Variants in ANKRD30B observed in about 807,000 individuals in gnomAD.
ANKRD30B encodes ankyrin repeat domain 30B.
In ANKRD30B, 144 loss-of-function variants were observed where a neutral mutation model predicts 202.2. The ratio of observed to expected loss-of-function variants is 0.71; its 90% CI spans 0.62 to 0.82. The LOEUF (loss-of-function observed/expected upper bound fraction) is 0.82. ANKRD30B is among the 40% of genes least tolerant of loss of function. The probability of loss-of-function intolerance (pLI) is 0.00; values close to 1 mark genes in which losing one functional copy is unlikely to be tolerated. For synonymous variants in ANKRD30B, 508 were observed against 561.3 expected (o/e 0.91, Z 1.34); for missense variants, 1,487 against 1,669.1 (o/e 0.89, Z 1.90).
At chr18:14,916,074 G>C in the ANKRD30B span, among the ~76,000 whole-genome samples, 1 of 152,188 alleles carries the variant, frequency 6.6e-6, no homozygotes, top group South Asian at 2.1e-4. Flanking sequence ...AATGCCTATG[G>C]ATACAGAAGA....
chr18:14,939,890 G>A, the ANKRD30B span, among the ~76,000 whole-genome samples: 1 of 152,230 alleles, frequency 6.6e-6, no homozygotes, highest in Non-Finnish European at 1.5e-5. Flanking sequence ...GGAATGCTGG[G>A]ACTGTGCAGT....
the ANKRD30B span, chr18:14,889,912 T>G: frequency 1.5e-5 from 8 of 543,498 alleles, no homozygotes; most frequent in Non-Finnish European, 2.6e-5. Context: ...AAGTCCATTT[T>G]TCCTTTTCAG....
the ANKRD30B span, among the ~76,000 whole-genome samples, chr18:14,934,913 C>CAA: frequency 7.7e-6 from 1 of 129,960 alleles, no homozygotes; most frequent in Non-Finnish European, 1.6e-5. Flanking sequence ...CTCTACCACA[C>CAA]ACACACACAC....
chr18:14,816,861 G>C (rs963003014), intron 30 of ANKRD30B: 1 of 152,084 alleles, frequency 6.6e-6, no homozygotes, highest in African/African-American at 2.4e-5. Flanking sequence ...CTCTCGCAAG[G>C]ACAAAAAACC....
At chr18:14,835,820 A>G (rs1405865308) in intron 34 of ANKRD30B, among the ~76,000 whole-genome samples, 2 of 151,936 alleles carry the variant, frequency 1.3e-5, no homozygotes, top group Non-Finnish European at 2.9e-5. Flanking sequence ...AATGCCTTAT[A>G]ATTCTATGGG....
At chr18:14,796,298 A>C (rs1477539771) in intron 17 of ANKRD30B, 45 bp from the exon 18 acceptor site, 1 of 1,609,840 alleles carries the variant, frequency 6.2e-7, no homozygotes, top group Non-Finnish European at 8.5e-7. Flanking sequence ...ATATTTTAGG[A>C]AGCATATATT....
intron 37 of ANKRD30B, among the ~76,000 whole-genome samples, chr18:14,842,170 A>C (rs1329656305): frequency 6.6e-6 from 1 of 152,160 alleles, no homozygotes; most frequent in Non-Finnish European, 1.5e-5. Flanking sequence ...TGTTGCCATA[A>C]ATTTTCAAAT....
At chr18:14,918,223 A>G in the ANKRD30B span, among the ~76,000 whole-genome samples, 114 of 152,154 alleles carry the variant, frequency 7.5e-4, no homozygotes, top group Middle Eastern at 3.4e-3. Flanking sequence ...TTTTCCTCCT[A>G]CTAGCCCTTA....
chr18:14,839,838 C>G (rs896594127), intron 36 of ANKRD30B, among the ~76,000 whole-genome samples: 11 of 152,158 alleles, frequency 7.2e-5, no homozygotes, highest in Non-Finnish European at 1.5e-4. Context: ...ACGACATACT[C>G]TGAAAATTCT....
At chr18:14,889,338 C>T in the ANKRD30B span, among the ~76,000 whole-genome samples, 1 of 152,064 alleles carries the variant, frequency 6.6e-6, no homozygotes, top group Non-Finnish European at 1.5e-5. Context: ...ACATTGTCTT[C>T]AATGGTAATG....
the ANKRD30B span, among the ~76,000 whole-genome samples, chr18:14,938,486 C>T: frequency 1.3e-5 from 2 of 152,160 alleles, no homozygotes; most frequent in African/African-American, 4.8e-5. Context: ...CTTGGCTGGC[C>T]ATGGCCCTCA....
chr18:14,794,928 T>G (rs34798005), intron 16 of ANKRD30B, among the ~76,000 whole-genome samples: 55 of 152,304 alleles, frequency 3.6e-4, no homozygotes, highest in Admixed American at 1.5e-3. Flanking sequence ...TATTATTTGA[T>G]GAAAGGAGAT....
the ANKRD30B span, among the ~76,000 whole-genome samples, chr18:14,899,380 G>A: frequency 6.6e-6 from 1 of 152,070 alleles, no homozygotes; most frequent in African/African-American, 2.4e-5. Flanking sequence ...AAATATAAAT[G>A]TTTTAACATC....
Position 14,831,429 on chromosome 18 carries a change from G to C in ANKRD30B, c.2821G>C (p.Glu941Gln). The change falls in exon 34 of 44, where the codon GAG becomes CAG. Residue 941 changes from glutamate (E) to glutamine (Q), a missense_variant. By Grantham distance (29) the Glu-to-Gln change is conservative. Transcript: ENST00000690538. ...TTENSQSTKV[E>Q]EDFNLTTKEG... ...TGAAAATTCACAGTCTACAAAAGTTGAGGAAGACTTTAATCTTACTACCAA... is the reference window on the plus strand; with the variant it reads ...TGAAAATTCACAGTCTACAAAAGTTCAGGAAGACTTTAATCTTACTACCAA... 2.0e-6 allele frequency: 3 copies of C among 1,533,738 alleles called. No homozygotes were observed. Among genetic ancestry groups the C allele is most frequent in the Non-Finnish European group, 2.6e-6 (3 of 1,138,386 alleles).
At chr18:14,883,397 C>CTATATATA in the ANKRD30B span, 1 of 52,388 alleles carries the variant, frequency 1.9e-5, no homozygotes, top group Non-Finnish European at 3.5e-5. Context: ...CTCTCTCTCT[C>CTATATATA]TCTATATATA....
At chr18:14,795,587 G>A (rs1022723580) in intron 16 of ANKRD30B, among the ~76,000 whole-genome samples, 3 of 152,092 alleles carry the variant, frequency 2.0e-5, no homozygotes, top group Admixed American at 6.6e-5. Flanking sequence ...CCCCATAAAT[G>A]TAAAAATACT....
intron 1 of ANKRD30B, among the ~76,000 whole-genome samples, chr18:14,750,664 T>A (rs577452092): frequency 1.6e-4 from 24 of 152,220 alleles, no homozygotes; most frequent in Admixed American, 1.6e-3. Context: ...ATCAATGTAT[T>A]AAAAAGAATC....
the ANKRD30B span, among the ~76,000 whole-genome samples, chr18:14,882,469 T>C: frequency 6.6e-6 from 1 of 152,152 alleles, no homozygotes. Context: ...TCTGAGAGAG[T>C]GCGTGATACA....
chr18:14,938,712 A>T, the ANKRD30B span, among the ~76,000 whole-genome samples: 269 of 152,286 alleles, frequency 1.8e-3, 1 homozygote, highest in African/African-American at 6.1e-3. Flanking sequence ...GTCGGGCTAA[A>T]GGGCACCCAT....
Sources: gnomAD v4.1 joint callset for allele counts (sites outside exome capture counted in the v4.1 genomes callset) on GRCh38, gnomAD v4.1.1 for gene constraint, MANE v1.5 for transcripts, NCBI Gene and HGNC (gene_info 2026-07-23, HGNC 2026-07-21) for gene names.